TMEM117: variants seen among roughly 807,000 people sequenced by gnomAD.
TMEM117 encodes transmembrane protein 117.
Under a neutral mutation model 52.4 loss-of-function variants are expected in TMEM117, and 27 were observed. The observed-to-expected ratio is 0.51, with a 90% CI of 0.38 to 0.71. The LOEUF (loss-of-function observed/expected upper bound fraction) is 0.71. Among genes scored for constraint, TMEM117 ranks in the 30% least tolerant of loss-of-function variants. The pLI is 0.00. For missense variants in TMEM117, 556 were observed against 630.5 expected (o/e 0.88, Z 1.26); for synonymous variants, 215 against 206.3 (o/e 1.04, Z -0.36).
At chr12:43,820,159 G>A in the TMEM117 span, among the ~76,000 whole-genome samples, 17 of 151,724 alleles carry the variant, frequency 1.1e-4, no homozygotes, top group East Asian at 3.9e-4. Context: ...GTGCTGTGGC[G>A]CAACCTCGGC....
At chr12:44,304,894 T>C (rs1457088794) in intron 6 of TMEM117, among the ~76,000 whole-genome samples, 1 of 152,170 alleles carries the variant, frequency 6.6e-6, no homozygotes, top group Non-Finnish European at 1.5e-5. Context: ...CCACCTGTGG[T>C]GGCCATGGCG....
intron 3 of TMEM117, among the ~76,000 whole-genome samples, chr12:44,045,075 T>C (rs1251947195): frequency 6.6e-6 from 1 of 152,216 alleles, no homozygotes; most frequent in Non-Finnish European, 1.5e-5. Context: ...AGGAGGATTT[T>C]AATAATGAAG....
chr12:44,115,654 C>A (rs1325576571), intron 3 of TMEM117, among the ~76,000 whole-genome samples: 1 of 152,050 alleles, frequency 6.6e-6, no homozygotes, highest in Non-Finnish European at 1.5e-5. Flanking sequence ...GCTGTTTCTA[C>A]AATTTTCAAG....
chr12:44,253,222 C>T (rs911850062), intron 5 of TMEM117, among the ~76,000 whole-genome samples: 2 of 152,074 alleles, frequency 1.3e-5, no homozygotes, highest in African/African-American at 4.8e-5. Context: ...ACATATTTAA[C>T]CTGTTAGATT....
At chr12:44,040,119 G>A (rs1946774346) in intron 3 of TMEM117, among the ~76,000 whole-genome samples, 1 of 152,088 alleles carries the variant, frequency 6.6e-6, no homozygotes, top group African/African-American at 2.4e-5. Context: ...TTATTGACAT[G>A]ACATCACGGA....
intron 3 of TMEM117, among the ~76,000 whole-genome samples, chr12:44,103,821 C>A (rs1947905269): frequency 6.6e-6 from 1 of 152,028 alleles, no homozygotes; most frequent in Non-Finnish European, 1.5e-5. Context: ...AATATCTCAT[C>A]TTTGACTTTT....
intron 5 of TMEM117, among the ~76,000 whole-genome samples, chr12:44,269,279 C>T (rs1950418087): frequency 6.6e-6 from 1 of 152,044 alleles, no homozygotes; most frequent in Non-Finnish European, 1.5e-5. Flanking sequence ...AAAACACTAC[C>T]ACCCCAATCC....
intron 3 of TMEM117, among the ~76,000 whole-genome samples, chr12:44,032,684 A>C (rs1455036303): frequency 1.3e-5 from 2 of 152,240 alleles, no homozygotes; most frequent in Non-Finnish European, 2.9e-5. Context: ...GTAAACACTT[A>C]CTAATCTTTC....
chr12:44,235,281 C>T (rs1376918888), intron 5 of TMEM117, among the ~76,000 whole-genome samples: 1 of 151,320 alleles, frequency 6.6e-6, no homozygotes, highest in Non-Finnish European at 1.5e-5. Context: ...ATCATTTTGC[C>T]TACTCTTTTA....
intron 2 of TMEM117, among the ~76,000 whole-genome samples, chr12:43,917,848 C>G (rs532118995): frequency 4.6e-4 from 70 of 152,226 alleles, no homozygotes; most frequent in African/African-American, 1.6e-3. Flanking sequence ...TGTCCTGTCA[C>G]CCTCTTGCAC....
At chr12:44,029,955 C>T (rs1946607681) in intron 3 of TMEM117, among the ~76,000 whole-genome samples, 1 of 152,154 alleles carries the variant, frequency 6.6e-6, no homozygotes, top group Non-Finnish European at 1.5e-5. Flanking sequence ...CAATGGCGGC[C>T]TGCATTTAGG....
At chr12:43,804,356 T>C in the TMEM117 span, 12 of 633,690 alleles carry the variant, frequency 1.9e-5, no homozygotes, top group Non-Finnish European at 3.4e-5. Context: ...GCACAAAATA[T>C]GAGGAATCCA....
chr12:44,378,468 T>C (rs1421829097), intron 7 of TMEM117, among the ~76,000 whole-genome samples: 4 of 152,334 alleles, frequency 2.6e-5, no homozygotes, highest in East Asian at 1.9e-4. Context: ...AAGGGGGCTA[T>C]GCATGCAGAG....
At chr12:43,986,805 C>A (rs955465582) in intron 3 of TMEM117, among the ~76,000 whole-genome samples, 4 of 152,130 alleles carry the variant, frequency 2.6e-5, no homozygotes, top group African/African-American at 7.2e-5. Context: ...TTGATGTTAT[C>A]CACAGGTGTT....
intron 3 of TMEM117, among the ~76,000 whole-genome samples, chr12:43,977,841 A>G (rs1252502748): frequency 6.6e-6 from 1 of 152,184 alleles, no homozygotes; most frequent in Non-Finnish European, 1.5e-5. Flanking sequence ...GCAAAAGTTG[A>G]GAGAAGATGT....
chr12:44,022,544 T>C (rs1277987164), intron 3 of TMEM117, among the ~76,000 whole-genome samples: 1 of 152,192 alleles, frequency 6.6e-6, no homozygotes, highest in African/African-American at 2.4e-5. Flanking sequence ...TGTGCTTCAA[T>C]AGTAAAATGA....
At chr12:44,283,522 G>A (rs1950602772) in intron 5 of TMEM117, among the ~76,000 whole-genome samples, 1 of 152,094 alleles carries the variant, frequency 6.6e-6, no homozygotes, top group African/African-American at 2.4e-5. Flanking sequence ...GACTTACATG[G>A]GCTCTGCAAC....
chr12:44,345,142 G>C (rs1951468124), intron 6 of TMEM117, among the ~76,000 whole-genome samples: 2 of 152,068 alleles, frequency 1.3e-5, no homozygotes, highest in Admixed American at 6.6e-5. Context: ...AAGGAGTAGG[G>C]CTCCTTTGGT....
chr12:43,937,871 A>G (rs575351505), intron 2 of TMEM117, among the ~76,000 whole-genome samples: 77 of 152,292 alleles, frequency 5.1e-4, no homozygotes, highest in Non-Finnish European at 1.0e-3. Context: ...TAGCACACAT[A>G]TAGTAGACAA....
Sources: gnomAD v4.1 joint callset for allele counts (sites outside exome capture counted in the v4.1 genomes callset) on GRCh38, gnomAD v4.1.1 for gene constraint, MANE v1.5 for transcripts, NCBI Gene and HGNC (gene_info 2026-07-23, HGNC 2026-07-21) for gene names.